Variants in RAP1GAP observed in about 807,000 individuals in gnomAD.
RAP1GAP encodes the protein RAP1 GTPase activating protein, also known as rap1 GTPase-activating protein 1.
RAP1GAP carries 35 observed loss-of-function variants against 87.2 expected under a neutral mutation model. The ratio of observed to expected loss-of-function variants is 0.40; its 90% CI spans 0.31 to 0.53. The LOEUF (loss-of-function observed/expected upper bound fraction) is 0.53. Ranked by LOEUF, RAP1GAP falls within the 20% of genes least tolerant of loss-of-function variation. The pLI, the probability that RAP1GAP is intolerant of heterozygous loss-of-function variation, is 0.48. For missense variants in RAP1GAP, 734 were observed against 898.9 expected (o/e 0.82, Z 2.35); for synonymous variants, 375 against 363.9 (o/e 1.03, Z -0.35).
At chr1:21,618,889 C>G (rs1373677201) in intron 5 of RAP1GAP, 136 bp downstream of exon 5, 1 of 1,026,848 alleles carries the variant, frequency 9.7e-7, no homozygotes, top group Non-Finnish European at 1.4e-6. Flanking sequence ...GCCTCCCCCC[C>G]TACCCCCGCA....
chr1:21,608,080 T>C lies in RAP1GAP; in HGVS notation c.1296+133A>G, dbSNP rs1283722047. ...CTGTGTCAATCCCCCAGTCCGGGAC[T>C]CCACCCCCTCAGCCACGCCCCTTCT... On this transcript the variant is annotated intron_variant, in intron 17 of 24. Transcript: ENST00000374765. 10 of 1,335,508 alleles carry C rather than the reference T, an allele frequency of 7.5e-6. No homozygotes were observed. In the African/African-American group the frequency reaches 1.1e-4, roughly 14 times the overall value. The allele number at this position is 1,335,508 out of a possible 1,614,324, so 82.7% of individuals were successfully genotyped here. A position where few individuals can be genotyped will look rare whatever the true frequency, so the allele number is the denominator to read the frequency against.
chr1:21,634,067 G>C lies in RAP1GAP; in HGVS notation c.-112-7670C>G, dbSNP rs773397814. Among the ~76,000 whole-genome samples the C allele has an allele frequency of 1.2e-3, 183 of 151,912 alleles. No individual in the cohort carries two copies. Among genetic ancestry groups the C allele is most frequent in the Non-Finnish European group, 2.0e-3 (134 of 67,884 alleles). ...CAGAACTGCCCCCTCCCGGGGGGGG[G>C]GGGGGGCCACAGAAGCCCATTGTTT... On this transcript the variant is annotated intron_variant, in intron 2 of 24. Transcript: ENST00000374765. This position sits in a 1 kb window ranked among gnomAD's most constrained non-coding sequence, Gnocchi z 4.1.
At position 21,668,921 on chromosome 1, in the gene RAP1GAP, C is replaced by T. The variant is rs1434702927; in HGVS notation, c.-149+333G>A. 6.6e-6 allele frequency among the ~76,000 whole-genome samples: 1 copy of T among 151,802 alleles called. No individual in the cohort carries two copies. Among genetic ancestry groups the T allele is most frequent in the African/African-American group, 2.4e-5 (1 of 41,376 alleles). ...CCCTCCTCTAAACCCCAGGCGCCCC[C>T]ACCTCGAGGTGGGCGGAAAACTGGA... On this transcript the variant is annotated intron_variant, in intron 1 of 24. Coordinates refer to ENST00000374765, the MANE Select transcript of RAP1GAP (RefSeq NM_002885.4). The surrounding 1 kb of genome is among the most constrained non-coding windows in gnomAD (Gnocchi z 6.2).
intron 1 of RAP1GAP, among the ~76,000 whole-genome samples, chr1:21,663,958 A>T (rs542812207): frequency 6.6e-5 from 10 of 152,234 alleles, no homozygotes; most frequent in Non-Finnish European, 1.0e-4. Context: ...CTTGAGGCTC[A>T]CACAACACAG....
chr1:21,638,220 G>A (rs2095111542), intron 2 of RAP1GAP, among the ~76,000 whole-genome samples: 1 of 151,842 alleles, frequency 6.6e-6, no homozygotes, highest in Non-Finnish European at 1.5e-5. Context: ...CACTTTGGGA[G>A]GCCAAGTCAG....
intron 11 of RAP1GAP, 74 bp downstream of exon 11, chr1:21,611,952 C>A: frequency 6.7e-7 from 1 of 1,482,162 alleles, no homozygotes; most frequent in Non-Finnish European, 9.3e-7. Flanking sequence ...GGCCGGTGTG[C>A]TGCCCTGGAA....
chr1:21,608,763 A>G (rs1341862595), intron 16 of RAP1GAP, 87 bp downstream of exon 16: 26 of 1,364,402 alleles, frequency 1.9e-5, no homozygotes, highest in African/African-American at 4.3e-5. Flanking sequence ...AGGTCTGAAC[A>G]TGGCTTTTCC....
At chr1:21,637,607 A>G (rs2094964062) in intron 2 of RAP1GAP, among the ~76,000 whole-genome samples, 1 of 152,196 alleles carries the variant, frequency 6.6e-6, no homozygotes, top group Non-Finnish European at 1.5e-5. Context: ...ATAAAGATAT[A>G]TGAACAAAAA....
chr1:21,650,232 C>T (rs1194800184), intron 1 of RAP1GAP, among the ~76,000 whole-genome samples: 2 of 152,066 alleles, frequency 1.3e-5, no homozygotes, highest in Non-Finnish European at 2.9e-5. Flanking sequence ...CCCCCAAGGC[C>T]CGTAGCCTGC....
At chr1:21,633,211 C>G (rs375474396) in intron 2 of RAP1GAP, among the ~76,000 whole-genome samples, 134 of 152,302 alleles carry the variant, frequency 8.8e-4, no homozygotes, top group African/African-American at 3.1e-3. Flanking sequence ...CTTTGGCCCC[C>G]CGGAGATAGC....
chr1:21,610,015 C>T, intron 14 of RAP1GAP, 105 bp downstream of exon 14: 2 of 1,366,172 alleles, frequency 1.5e-6, no homozygotes, highest in South Asian at 2.9e-5. Flanking sequence ...CCATGGTCCC[C>T]CCATTATAGC....
chr1:21,666,382 G>A (rs938852692), intron 1 of RAP1GAP, among the ~76,000 whole-genome samples: 4 of 152,240 alleles, frequency 2.6e-5, no homozygotes, highest in African/African-American at 9.6e-5. Flanking sequence ...GAACCCCAGA[G>A]CCGCTTGGAG....
rs771983527 is a variant in RAP1GAP at position 21,617,353 on chromosome 1, C to T, written c.244G>A (p.Glu82Lys). The change falls in exon 7 of 25, where the codon GAG (glutamate) becomes AAG (lysine). Residue 82 changes from glutamate (E) to lysine (K), a missense_variant. Transcript: ENST00000374765. The stretch of plus-strand genomic sequence containing the variant: ...TAGATGCGGGCTGTGGGGTTGCACT[C>T]GAGCTTCACCTTGGTTGTGGGCGAC... ...LQSPTTKVKL[E>K]CNPTARIYRK... is the part of the protein sequence containing the mutation. The T allele has an allele frequency of 1.2e-5, 19 of 1,597,302 alleles. No homozygotes were observed. In the East Asian group the frequency reaches 2.7e-4, roughly 23 times the overall value.
chr1:21,600,215 A>C (rs1341574859), intron 20 of RAP1GAP, among the ~76,000 whole-genome samples: 38 of 152,140 alleles, frequency 2.5e-4, no homozygotes, highest in Admixed American at 2.4e-3. Flanking sequence ...CCCGAAAAGC[A>C]AATGTGCCTT....
At chr1:21,667,910 T>C (rs1243626893) in intron 1 of RAP1GAP, among the ~76,000 whole-genome samples, 3 of 152,256 alleles carry the variant, frequency 2.0e-5, no homozygotes, top group Non-Finnish European at 2.9e-5. Flanking sequence ...CACGCACCCC[T>C]TACCAGACCT....
Position 21,628,635 on chromosome 1 carries a change from G to A in RAP1GAP, c.-112-2238C>T, listed in dbSNP as rs549164443. On this transcript the variant is annotated intron_variant, in intron 2 of 24. Coordinates refer to ENST00000374765, the MANE Select transcript of RAP1GAP (RefSeq NM_002885.4). ...CTTGGGAGGCTGAGGCAGGAGAATC[G>A]CTTGAACCCGGGAGGCGGAGGTTGC... Among the ~76,000 whole-genome samples the A allele has an allele frequency of 5.3e-5, 8 of 152,210 alleles. No individual in the cohort carries two copies. In the South Asian group the frequency reaches 8.3e-4, roughly 16 times the overall value.
rs2088341575 is a variant in RAP1GAP, at chr1:21,622,119, C to A, written c.-18-2069G>T. ...CACACCCTGCCGCTGCAGCCCAGAG[C>A]CACAGTGCCACCCGGGAGGCCACAG... On this transcript the variant is annotated intron_variant, in intron 3 of 24. Coordinates refer to ENST00000374765, the MANE Select transcript of RAP1GAP (RefSeq NM_002885.4). The surrounding 1 kb of genome is among the most constrained non-coding windows in gnomAD (Gnocchi z 5.7). 6.6e-6 allele frequency among the ~76,000 whole-genome samples: 1 copy of A among 152,220 alleles called. No individual in the cohort carries two copies. Among genetic ancestry groups the A allele is most frequent in the South Asian group, 2.1e-4 (1 of 4,834 alleles).
At chr1:21,614,897 T>C (rs1484156512) in intron 7 of RAP1GAP, among the ~76,000 whole-genome samples, 1 of 152,126 alleles carries the variant, frequency 6.6e-6, no homozygotes, top group Non-Finnish European at 1.5e-5. Flanking sequence ...CCAGGAATCA[T>C]CCTAGAAGTA....
chr1:21,606,740 C>CTA (rs1442441443), intron 17 of RAP1GAP, among the ~76,000 whole-genome samples: 1 of 152,222 alleles, frequency 6.6e-6, no homozygotes, highest in African/African-American at 2.4e-5. Flanking sequence ...TACAATCACT[C>CTA]TATCACTGGA....
Sources: gnomAD v4.1 joint callset for allele counts (sites outside exome capture counted in the v4.1 genomes callset) on GRCh38, gnomAD v4.1.1 for gene constraint, Gnocchi (gnomAD v3.1) non-coding constraint, MANE v1.5 for transcripts, NCBI Gene and HGNC (gene_info 2026-07-23, HGNC 2026-07-21) for gene names.